The following CSMD2 variants were observed in gnomAD, a reference collection of about 807,000 sequenced individuals.
The protein encoded by CSMD2 is CUB and Sushi multiple domains 2.
Under a neutral mutation model 398.5 loss-of-function variants are expected in CSMD2, and 130 were observed. The observed-to-expected ratio is 0.33, with a 90% confidence interval of 0.28 to 0.38. The LOEUF is 0.38. Ranked by LOEUF, CSMD2 falls within the 10% of genes least tolerant of loss-of-function variation. The pLI, the probability that CSMD2 is intolerant of heterozygous loss-of-function variation, is 1.00. For synonymous variants in CSMD2, 1,828 were observed against 1,908.5 expected, an observed-to-expected ratio of 0.96 and a Z score of 1.10; for missense variants, 3,829 against 4,764.9, an observed-to-expected ratio of 0.80 and a Z score of 5.78.
At chr1:33,529,554 A>C (rs1655066881) in intron 64 of CSMD2, among the ~76,000 whole-genome samples, 1 of 152,228 alleles carries the variant, frequency 6.6e-6, no homozygotes, top group Non-Finnish European at 1.5e-5. Context: ...TCTTGCCAAC[A>C]AATGGTGCTG....
chr1:33,649,928 G>A (rs543997461), intron 28 of CSMD2, among the ~76,000 whole-genome samples: 130 of 152,282 alleles, frequency 8.5e-4, no homozygotes, highest in Non-Finnish European at 1.4e-3. Flanking sequence ...AGCCAGATGC[G>A]CACTGGCCTC....
intron 10 of CSMD2, among the ~76,000 whole-genome samples, chr1:33,793,695 A>AGTGAAGCTGGTG (rs1654607570): frequency 6.6e-6 from 1 of 151,984 alleles, no homozygotes; most frequent in South Asian, 2.1e-4. Context: ...CATTGGCAGG[A>AGTGAAGCTGGTG]GTGAGGATGG....
chr1:33,726,867 T>G (rs1042637282), intron 15 of CSMD2, among the ~76,000 whole-genome samples, 182 bp from the exon 16 acceptor site: 1 of 152,224 alleles, frequency 6.6e-6, no homozygotes, highest in Non-Finnish European at 1.5e-5. Flanking sequence ...AGTTATATCA[T>G]GTGGAGTGTT....
At chr1:34,159,984 G>C (rs1641182451) in intron 1 of CSMD2, among the ~76,000 whole-genome samples, 1 of 152,216 alleles carries the variant, frequency 6.6e-6, no homozygotes, top group African/African-American at 2.4e-5. Flanking sequence ...CTGAGCCCTA[G>C]AGAGGCCTGA....
chr1:33,891,612 C>T (rs867824143), intron 5 of CSMD2, among the ~76,000 whole-genome samples: 232 of 151,806 alleles, frequency 1.5e-3, no homozygotes, highest in South Asian at 6.9e-3. Context: ...ATGTTTATTG[C>T]GGCATTATTC....
At position 33,533,272 on chromosome 1, in the gene CSMD2, G is replaced by A; in HGVS notation, c.9992-43C>T. On this transcript the variant is annotated intron_variant, in intron 63 of 70. Transcript: ENST00000373381. This position sits in a 1 kb window ranked among gnomAD's most constrained non-coding sequence, Gnocchi z 4.2. Reference sequence around the variant, plus strand: ...CCCTGTTGGACTGGAGGAGATTAGGGGCTTCAGGGGCCCTTTCGACCATTC... The same window carrying A: ...CCCTGTTGGACTGGAGGAGATTAGGAGCTTCAGGGGCCCTTTCGACCATTC... 1 of 1,568,230 alleles carries A rather than the reference G, an allele frequency of 6.4e-7. No individual in the cohort carries two copies. Among genetic ancestry groups the A allele is most frequent in the Non-Finnish European group, 8.7e-7 (1 of 1,145,164 alleles).
At position 33,714,061 on chromosome 1, in the gene CSMD2, C is replaced by T. The variant is rs562994643; in HGVS notation, c.3406+526G>A. On this transcript the variant is annotated intron_variant, in intron 21 of 70. Transcript: ENST00000373381. The stretch of plus-strand genomic sequence containing the variant: ...GTAGTGGGTCATCTATAAATGACCC[C>T]GCCCCTGTTCCTTTTGTCCTCCCCT... Among the ~76,000 whole-genome samples the T allele has an allele frequency of 3.3e-3, 505 of 152,280 alleles. 2 individuals carry two copies. The highest frequency in any genetic ancestry group is 0.011 in the African/African-American group (463 of 41,558).
At chr1:33,707,689 GCGCGCGCACA>G (rs1239653182) in intron 22 of CSMD2, among the ~76,000 whole-genome samples, 19,376 of 126,262 alleles carry the variant, frequency 0.15, 1,436 homozygotes, top group East Asian at 0.25. Flanking sequence ...GCACACGCGC[GCGCGCGCACA>G]CACACACACA....
upstream of CSMD2, chr1:34,165,784 AG>A (rs772629278): frequency 3.9e-5 from 63 of 1,613,724 alleles, no homozygotes; most frequent in Non-Finnish European, 5.3e-5. Context: ...CTTGCCATCT[AG>A]GGCCGGGGGC....
At chr1:34,118,910 C>T (rs1472101296) in intron 1 of CSMD2, among the ~76,000 whole-genome samples, 1 of 152,096 alleles carries the variant, frequency 6.6e-6, no homozygotes, top group Admixed American at 6.5e-5. Context: ...GCACATTTTG[C>T]AGAAATAGAA....
At chr1:33,787,077 A>G (rs1653623637) in intron 12 of CSMD2, among the ~76,000 whole-genome samples, 1 of 152,162 alleles carries the variant, frequency 6.6e-6, no homozygotes, top group South Asian at 2.1e-4. Flanking sequence ...GACACACAGG[A>G]AGGTTGTGTG....
chr1:33,802,095 T>C (rs1655675980), intron 10 of CSMD2, among the ~76,000 whole-genome samples: 1 of 152,170 alleles, frequency 6.6e-6, no homozygotes, highest in Non-Finnish European at 1.5e-5. Flanking sequence ...GGAAAAATTA[T>C]TGTAGGCAGA....
chr1:33,772,528 T>C, intron 13 of CSMD2, 41 bp downstream of exon 13: 1 of 1,577,806 alleles, frequency 6.3e-7, no homozygotes, highest in Non-Finnish European at 8.7e-7. Context: ...CCCCTGCCTC[T>C]CAGTGAAGAC....
At chr1:33,670,463 A>G (rs527729899) in intron 25 of CSMD2, among the ~76,000 whole-genome samples, 2 of 152,236 alleles carry the variant, frequency 1.3e-5, no homozygotes, top group Non-Finnish European at 2.9e-5. Flanking sequence ...AACAAATCCT[A>G]TATACTAAGG....
intron 1 of CSMD2, among the ~76,000 whole-genome samples, chr1:34,114,528 A>C (rs1048742497): frequency 6.6e-6 from 1 of 152,036 alleles, no homozygotes; most frequent in Non-Finnish European, 1.5e-5. Flanking sequence ...CAAGACCCCC[A>C]TCTCTAAAAA....
intron 57 of CSMD2, among the ~76,000 whole-genome samples, chr1:33,545,095 A>T (rs1656751751): frequency 6.6e-6 from 1 of 152,100 alleles, no homozygotes; most frequent in East Asian, 1.9e-4. Context: ...ACACTTCCCA[A>T]TTCCATTCCA....
intron 2 of CSMD2, among the ~76,000 whole-genome samples, chr1:34,060,291 A>C (rs1654323423): frequency 1.3e-5 from 2 of 152,178 alleles, no homozygotes; most frequent in South Asian, 4.1e-4. Context: ...TCAATGCATA[A>C]GTGTGTGAGG....
chr1:34,132,262 C>G (rs1289796986), intron 1 of CSMD2, among the ~76,000 whole-genome samples: 2 of 152,098 alleles, frequency 1.3e-5, no homozygotes, highest in Non-Finnish European at 2.9e-5. Context: ...GACCCTTAGT[C>G]AGCTTTCCCT....
At chr1:33,674,639 A>T (rs1644635629) in intron 25 of CSMD2, among the ~76,000 whole-genome samples, 1 of 152,204 alleles carries the variant, frequency 6.6e-6, no homozygotes, top group Admixed American at 6.5e-5. Context: ...CTCCACCCCA[A>T]ATCAACAGAA....
Sources: gnomAD v4.1 joint callset for allele counts (sites outside exome capture counted in the v4.1 genomes callset) on GRCh38, gnomAD v4.1.1 for gene constraint, Gnocchi (gnomAD v3.1) non-coding constraint, MANE v1.5 for transcripts, NCBI Gene and HGNC (gene_info 2026-07-23, HGNC 2026-07-21) for gene names.